Variants in ABCA13 observed in about 807,000 individuals in gnomAD.
The protein encoded by ABCA13 is ATP-binding cassette sub-family A member 13.
ABCA13 carries 476 observed loss-of-function variants against 478.7 expected under a neutral mutation model. The observed-to-expected ratio is 0.99, with a 90% CI of 0.92 to 1.07. The LOEUF is 1.07. Ranked by LOEUF, ABCA13 falls within the 50% of genes least tolerant of loss-of-function variation. The pLI is 0.00. For synonymous variants in ABCA13, 2,252 were observed against 2,158.9 expected, an observed-to-expected ratio of 1.04 and a Z score of -1.20; for missense variants, 6,060 against 5,910.6, an observed-to-expected ratio of 1.03 and a Z score of -0.83.
chr7:48,274,463 C>T lies in ABCA13; in HGVS notation c.4797C>T (p.His1599=), dbSNP rs1186804782. 4 of 1,613,716 alleles carry T rather than the reference C, an allele frequency of 2.5e-6. No homozygotes were observed. The Admixed American group carries it at 6.7e-5, about 27-fold the overall frequency. The change falls in exon 17 of 62, where the codon CAC becomes CAT. Residue 1599 remains histidine, a synonymous_variant. Coordinates refer to ENST00000435803, the MANE Select transcript of ABCA13 (RefSeq NM_152701.5). ...DVNSVGNSIY[H]LASYLAFSLS... The stretch of plus-strand genomic sequence containing the variant: ...ACAGTGTAGGCAATTCCATTTATCA[C>T]TTAGCTAGTTACCTTGCCTTCAGCT...
At position 48,273,923 on chromosome 7, in the gene ABCA13, T is replaced by C. The variant is rs754439581; in HGVS notation, c.4257T>C (p.Asn1419=). 8.1e-6 allele frequency: 13 copies of C among 1,612,864 alleles called. No homozygotes were observed. The Middle Eastern group carries it at 8.3e-4, about 102-fold the overall frequency. Residue 1419 remains asparagine (N), a synonymous_variant, in exon 17 of 62, where the codon AAT becomes AAC. Transcript: ENST00000435803. ...NSSFSQGHLQ[N]ILGNFRDIEN... is the part of the protein sequence containing the mutation. ...GTTTTTCACAAGGTCATCTTCAAAA[T>C]ATTTTGGGGAATTTCAGAGATATAG...
intron 3 of ABCA13, among the ~76,000 whole-genome samples, chr7:48,198,692 G>A (rs570878072): frequency 1.3e-5 from 2 of 152,292 alleles, no homozygotes; most frequent in South Asian, 2.1e-4. Flanking sequence ...AGTGCCACAT[G>A]CCCCCAGAAC....
At chr7:48,173,335 CCAATTGGTTCAT>C (rs1193429410) in intron 1 of ABCA13, among the ~76,000 whole-genome samples, 1 of 152,152 alleles carries the variant, frequency 6.6e-6, no homozygotes, top group Middle Eastern at 3.2e-3. Context: ...GACATTTTCC[CCAATTGGTTCAT>C]CAATGTATTC....
In ABCA13 at chr7:48,358,961, G is replaced by A. The variant is rs1023547644; in HGVS notation, c.10688+6474G>A. On this transcript the variant is annotated intron_variant, in intron 31 of 61. Coordinates refer to ENST00000435803, the MANE Select transcript of ABCA13 (RefSeq NM_152701.5). ...TTCGAGCTTCCTGGATCCCTTTAGA[G>A]TCTCAGACTTGACATGATGACAGAA... 2.0e-5 allele frequency among the ~76,000 whole-genome samples: 3 copies of A among 151,942 alleles called. No homozygotes were observed. In the East Asian group the frequency reaches 5.8e-4, roughly 29 times the overall value.
chr7:48,419,553 C>T (rs1820462444), intron 41 of ABCA13, among the ~76,000 whole-genome samples: 1 of 151,840 alleles, frequency 6.6e-6, no homozygotes, highest in African/African-American at 2.4e-5. Flanking sequence ...CGTAACATGC[C>T]TCTGCAATTT....
intron 3 of ABCA13, among the ~76,000 whole-genome samples, chr7:48,213,981 C>A (rs1786067791): frequency 6.6e-6 from 1 of 152,200 alleles, no homozygotes; most frequent in South Asian, 2.1e-4. Flanking sequence ...GTCTGGAACC[C>A]ACTCAAAATC....
At chr7:48,375,439 A>G (rs1813312469) in intron 34 of ABCA13, among the ~76,000 whole-genome samples, 1 of 152,218 alleles carries the variant, frequency 6.6e-6, no homozygotes, top group Non-Finnish European at 1.5e-5. Flanking sequence ...GAAGATCAAG[A>G]TCCAGAAATA....
At chr7:48,392,186 G>C in intron 38 of ABCA13, 47 bp downstream of exon 38, 1 of 1,548,978 alleles carries the variant, frequency 6.5e-7, no homozygotes, top group Non-Finnish European at 8.9e-7. Context: ...TGCCCATTGT[G>C]TAAGGAAGTG....
intron 55 of ABCA13, among the ~76,000 whole-genome samples, chr7:48,553,086 C>T (rs1370779700): frequency 1.3e-5 from 2 of 151,994 alleles, no homozygotes; most frequent in Non-Finnish European, 2.9e-5. Context: ...TCTTTCTGTA[C>T]TTGGTTTATT....
intron 45 of ABCA13, among the ~76,000 whole-genome samples, chr7:48,474,041 C>T (rs1165503401): frequency 1.3e-5 from 2 of 151,296 alleles, no homozygotes; most frequent in Non-Finnish European, 2.9e-5. Context: ...GATCAGTTAT[C>T]TTTTTTTTTA....
intron 46 of ABCA13, among the ~76,000 whole-genome samples, chr7:48,482,214 T>G (rs1010076548): frequency 1.3e-5 from 2 of 151,796 alleles, no homozygotes; most frequent in African/African-American, 4.8e-5. Flanking sequence ...TTGATAACAA[T>G]GGATGGAAAT....
chr7:48,186,730 T>C (rs1044636690), intron 1 of ABCA13, among the ~76,000 whole-genome samples: 77 of 152,156 alleles, frequency 5.1e-4, no homozygotes, highest in African/African-American at 1.8e-3. Flanking sequence ...TTTTGGTCAC[T>C]TTCCTCTCCT....
intron 55 of ABCA13, among the ~76,000 whole-genome samples, chr7:48,536,841 TTTA>T (rs1340699740): frequency 6.6e-6 from 1 of 151,940 alleles, no homozygotes; most frequent in East Asian, 1.9e-4. Flanking sequence ...CTATATAGAT[TTTA>T]TATTTATTAT....
At chr7:48,226,040 C>T (rs565942763) in intron 5 of ABCA13, among the ~76,000 whole-genome samples, 1 of 152,074 alleles carries the variant, frequency 6.6e-6, no homozygotes, top group East Asian at 1.9e-4. Context: ...GAATGTGGGG[C>T]CTGGTAGGGC....
intron 50 of ABCA13, among the ~76,000 whole-genome samples, chr7:48,510,397 A>G (rs13237819): frequency 0.18 from 27,842 of 152,024 alleles, 3,016 homozygotes; most frequent in African/African-American, 0.29. Flanking sequence ...AGCCATGGCT[A>G]TTGTTGGCCT....
Position 48,273,960 on chromosome 7 carries a change from A to C in ABCA13, c.4294A>C (p.Asn1432His). The C allele has an allele frequency of 6.2e-7, 1 of 1,610,254 alleles. No homozygotes were observed. The change falls in exon 17 of 62, where the codon AAC becomes CAC. Residue 1432 changes from asparagine to histidine, a missense_variant. Transcript: ENST00000435803. ...TTTCAGAGATATAGAAAACAAAATG[A>C]ACTCTATATTAAAAATTGTAACTTG... Reference protein sequence around the residue: ...GNFRDIENKMNSILKIVTWVL... With the variant: ...GNFRDIENKMHSILKIVTWVL...
chr7:48,264,585 T>G (rs1057402136), intron 15 of ABCA13, among the ~76,000 whole-genome samples: 4 of 151,868 alleles, frequency 2.6e-5, no homozygotes, highest in Non-Finnish European at 5.9e-5. Flanking sequence ...TTTTTGTTCA[T>G]AAATTGTATA....
chr7:48,471,492 T>C, intron 44 of ABCA13, 38 bp from the exon 45 acceptor site: 2 of 1,512,742 alleles, frequency 1.3e-6, no homozygotes, highest in Non-Finnish European at 1.8e-6. Flanking sequence ...GCTTTGTAAA[T>C]CTAAAAGATC....
At chr7:48,391,182 G>A (rs1290563293) in intron 37 of ABCA13, among the ~76,000 whole-genome samples, 2 of 152,124 alleles carry the variant, frequency 1.3e-5, no homozygotes, top group Admixed American at 1.3e-4. Context: ...AAGAAGACTG[G>A]CTCCAGGGTT....
Sources: allele counts gnomAD v4.1 joint callset (sites outside exome capture counted in the v4.1 genomes callset), GRCh38; gene constraint gnomAD v4.1.1; transcripts MANE v1.5; gene names NCBI Gene and HGNC (gene_info 2026-07-23, HGNC 2026-07-21).